The following TFB1M variants were observed in gnomAD, a reference collection of about 807,000 sequenced individuals.
The protein encoded by TFB1M is dimethyladenosine transferase 1, mitochondrial.
In TFB1M, 27 loss-of-function variants were observed where a neutral mutation model predicts 31.1. The observed-to-expected ratio is 0.87, with a 90% CI of 0.64 to 1.20. TFB1M has a LOEUF of 1.20. Among genes scored for constraint, TFB1M ranks in the 50% most tolerant of loss-of-function variants. The pLI, the probability that TFB1M is intolerant of heterozygous loss-of-function variation, is 0.00. For missense variants in TFB1M, 394 were observed against 418.7 expected (o/e 0.94, Z 0.51); for synonymous variants, 166 against 151.8 (o/e 1.09, Z -0.69).
intron 2 of TFB1M, among the ~76,000 whole-genome samples, chr6:155,305,995 A>G (rs1777746097): frequency 6.6e-6 from 1 of 151,674 alleles, no homozygotes; most frequent in Non-Finnish European, 1.5e-5. Context: ...AACCATATAA[A>G]TATCTCTTAA....
At chr6:155,293,495 A>G (rs548060793) in intron 4 of TFB1M, among the ~76,000 whole-genome samples, 7 of 152,246 alleles carry the variant, frequency 4.6e-5, no homozygotes, top group Non-Finnish European at 1.0e-4. Context: ...AACATTTCTT[A>G]TGTATTGTTG....
At chr6:155,241,202 T>C in the TFB1M span, among the ~76,000 whole-genome samples, 41 of 152,322 alleles carry the variant, frequency 2.7e-4, no homozygotes, top group South Asian at 1.2e-3. Flanking sequence ...CTTGCACCAT[T>C]ATGAAGGGGC....
chr6:155,272,629 G>A (rs1356391595), intron 5 of TFB1M, among the ~76,000 whole-genome samples: 1 of 152,032 alleles, frequency 6.6e-6, no homozygotes, highest in African/African-American at 2.4e-5. Flanking sequence ...GGAGGGTAAA[G>A]CGCAATGCAG....
rs1776892362 is a variant in TFB1M at position 155,290,897 on chromosome 6, CTT to C, written c.547-5622_547-5621del. Among the ~76,000 whole-genome samples, 3 of 152,130 alleles carry C rather than the reference CTT, an allele frequency of 2.0e-5. No homozygotes were observed. The South Asian group carries it at 6.2e-4, about 31-fold the overall frequency. ...TTTCCTGAGTAATCGGCATGTCTTG[CTT>C]TAAATTCACAAGTCCCCCAGAGTTT... On this transcript the variant is annotated intron_variant, in intron 4 of 6. Transcript: ENST00000367166.
chr6:155,250,026 T>TGA, the TFB1M span: 1 of 1,365,870 alleles, frequency 7.3e-7, no homozygotes, highest in Admixed American at 2.1e-5. Flanking sequence ...GGTCTGTAGG[T>TGA]GACCTTCTAG....
chr6:155,247,435 T>C, the TFB1M span, among the ~76,000 whole-genome samples: 1 of 152,066 alleles, frequency 6.6e-6, no homozygotes, highest in African/African-American at 2.4e-5. Context: ...TTCAGGTGAT[T>C]CTCCTCCCTC....
chr6:155,286,536 CAT>C (rs1459606786), intron 4 of TFB1M, among the ~76,000 whole-genome samples: 4 of 134,376 alleles, frequency 3.0e-5, no homozygotes, highest in East Asian at 2.1e-4. Context: ...TATATATATA[CAT>C]GTGTATATAT....
Position 155,257,044 on chromosome 6 carries a change from G to C in TFB1M, c.*792C>G. The C allele has an allele frequency of 6.2e-7, 1 of 1,614,176 alleles. No homozygotes were observed. Among genetic ancestry groups the C allele is most frequent in the Non-Finnish European group, 8.5e-7 (1 of 1,180,026 alleles). Reference sequence around the variant, plus strand: ...CGACCTAAATTCTGTTCTAGAGCGAGAATTCAGTGTCCAGAGTTTAACATC... The same window carrying C: ...CGACCTAAATTCTGTTCTAGAGCGACAATTCAGTGTCCAGAGTTTAACATC... On this transcript the variant is annotated 3_prime_UTR_variant, in exon 7 of 7. Coordinates refer to ENST00000367166, the MANE Select transcript of TFB1M (RefSeq NM_016020.4).
At position 155,257,190 on chromosome 6, in the gene TFB1M, CAA is replaced by C. The variant is rs11455127; in HGVS notation, c.*644_*645del. 120,824 of 526,024 alleles carry C rather than the reference CAA, an allele frequency of 0.23. 4,598 individuals carry two copies. The highest frequency in any genetic ancestry group is 0.38 in the East Asian group (9,332 of 24,560). The allele number at this position is 526,024 out of a possible 1,614,324, so 32.6% of individuals were successfully genotyped here. A position where few individuals can be genotyped will look rare whatever the true frequency, so the allele number is the denominator to read the frequency against. On this transcript the variant is annotated 3_prime_UTR_variant, in exon 7 of 7. Transcript: ENST00000367166. Reference sequence around the variant, plus strand: ...TAAACTGGTGGTAAAGTGGAAATTGCAAAAAAAAAAAAAAAAAAAAACTGTTC... The same window carrying C: ...TAAACTGGTGGTAAAGTGGAAATTGCAAAAAAAAAAAAAAAAAAACTGTTC...
downstream of TFB1M, chr6:155,254,138 C>T: frequency 1.4e-6 from 2 of 1,456,850 alleles, no homozygotes; most frequent in South Asian, 1.3e-5. Context: ...ATATTTAGTG[C>T]CCTCCTGAAT....
At chr6:155,249,597 T>TA in the TFB1M span, among the ~76,000 whole-genome samples, 16 of 152,344 alleles carry the variant, frequency 1.1e-4, no homozygotes, top group Non-Finnish European at 1.5e-5. Context: ...TGTCAGTTGT[T>TA]GTTATTAGTG....
chr6:155,257,176 T>TAA lies in TFB1M; in HGVS notation c.*658_*659dup, dbSNP rs1784108459. 7 of 1,124,032 alleles carry TAA rather than the reference T, an allele frequency of 6.2e-6. No homozygotes were observed. Among genetic ancestry groups the TAA allele is most frequent in the South Asian group, 4.8e-5 (3 of 63,118 alleles). The allele number at this position is 1,124,032 out of a possible 1,614,324, so 69.6% of individuals were successfully genotyped here. A position where few individuals can be genotyped will look rare whatever the true frequency, so the allele number is the denominator to read the frequency against. On this transcript the variant is annotated 3_prime_UTR_variant, in exon 7 of 7. Coordinates refer to ENST00000367166, the MANE Select transcript of TFB1M (RefSeq NM_016020.4). The stretch of plus-strand genomic sequence containing the variant: ...CCTCATTTTACTTTTAAACTGGTGG[T>TAA]AAAGTGGAAATTGCAAAAAAAAAAA...
At chr6:155,278,358 T>G (rs1381753756) in intron 5 of TFB1M, among the ~76,000 whole-genome samples, 3 of 152,228 alleles carry the variant, frequency 2.0e-5, no homozygotes, top group African/African-American at 7.2e-5. Context: ...TCACAATAGC[T>G]CACATGAGCA....
chr6:155,286,837 G>A (rs1438985713), intron 4 of TFB1M, among the ~76,000 whole-genome samples: 1 of 151,476 alleles, frequency 6.6e-6, no homozygotes, highest in Admixed American at 6.6e-5. Flanking sequence ...AAAAACTACT[G>A]TACTTTATTA....
the TFB1M span, among the ~76,000 whole-genome samples, chr6:155,229,920 T>A: frequency 6.6e-6 from 1 of 151,966 alleles, no homozygotes; most frequent in South Asian, 2.1e-4. Flanking sequence ...TCGTGAGACT[T>A]ATTCACTATC....
chr6:155,268,759 C>T (rs9397795), intron 5 of TFB1M, among the ~76,000 whole-genome samples: 49,697 of 148,448 alleles, frequency 0.33, 8,570 homozygotes, highest in African/African-American at 0.41. Flanking sequence ...AGCATGCTTG[C>T]TAAGAGTCAT....
At chr6:155,248,144 C>A in the TFB1M span, 1 of 1,614,112 alleles carries the variant, frequency 6.2e-7, no homozygotes, top group Non-Finnish European at 8.5e-7. Context: ...GTGTCCCTGA[C>A]GGACCAGGAG....
chr6:155,266,874 A>T (rs1275413613), intron 5 of TFB1M, among the ~76,000 whole-genome samples: 3 of 142,822 alleles, frequency 2.1e-5, no homozygotes, highest in African/African-American at 7.8e-5. Context: ...AAAAAAAAAG[A>T]ATGACCAAAT....
chr6:155,284,967 C>G (rs1776558279), intron 5 of TFB1M, among the ~76,000 whole-genome samples, 191 bp downstream of exon 5: 1 of 152,142 alleles, frequency 6.6e-6, no homozygotes, highest in South Asian at 2.1e-4. Flanking sequence ...GTCACCCTAC[C>G]TAAGGAGAAC....
Sources: allele counts gnomAD v4.1 joint callset (sites outside exome capture counted in the v4.1 genomes callset), GRCh38; gene constraint gnomAD v4.1.1; transcripts MANE v1.5; gene names NCBI Gene and HGNC (gene_info 2026-07-23, HGNC 2026-07-21).